DPP6: variants seen among roughly 807,000 people sequenced by gnomAD.
DPP6 encodes the protein A-type potassium channel modulatory protein DPP6.
DPP6 carries 69 observed loss-of-function variants against 122.6 expected under a neutral mutation model. The ratio of observed to expected loss-of-function variants is 0.56; its 90% CI spans 0.46 to 0.69. The LOEUF (loss-of-function observed/expected upper bound fraction) is 0.69, where lower values mean the gene tolerates loss of function less well. Ranked by LOEUF, DPP6 falls within the 30% of genes least tolerant of loss-of-function variation. The probability of loss-of-function intolerance (pLI) is 0.00; values close to 1 mark genes in which losing one functional copy is unlikely to be tolerated. For synonymous variants in DPP6, 418 were observed against 433.1 expected, an observed-to-expected ratio of 0.97 and a Z score of 0.43; for missense variants, 928 against 1,116.9, an observed-to-expected ratio of 0.83 and a Z score of 2.41.
At chr7:154,405,506 A>G (rs1278520967) in intron 1 of DPP6, among the ~76,000 whole-genome samples, 3 of 152,134 alleles carry the variant, frequency 2.0e-5, no homozygotes, top group Non-Finnish European at 1.5e-5. Flanking sequence ...TAAAAAAAGC[A>G]TTTTCTAAGC....
At chr7:154,831,609 T>TAA (rs111776985) in intron 16 of DPP6, among the ~76,000 whole-genome samples, 1 of 152,082 alleles carries the variant, frequency 6.6e-6, no homozygotes, top group African/African-American at 2.4e-5. Flanking sequence ...TATTTCTTTT[T>TAA]AAAAAAAATC....
chr7:154,567,274 A>C (rs1350297738), intron 5 of DPP6, among the ~76,000 whole-genome samples: 2 of 152,222 alleles, frequency 1.3e-5, no homozygotes, highest in African/African-American at 4.8e-5. Context: ...AGCAACTGCC[A>C]GGTTCTCCTT....
intron 16 of DPP6, among the ~76,000 whole-genome samples, chr7:154,841,984 C>T (rs369868565): frequency 1.3e-5 from 2 of 152,100 alleles, no homozygotes; most frequent in African/African-American, 4.8e-5. Flanking sequence ...ATGCTGTCCT[C>T]GGAACAAATA....
At chr7:154,323,062 T>C (rs1434996740) in intron 1 of DPP6, among the ~76,000 whole-genome samples, 2 of 151,618 alleles carry the variant, frequency 1.3e-5, no homozygotes, top group Non-Finnish European at 2.9e-5. Context: ...ATTAGCCCTG[T>C]TCAAAAAAAA....
intron 1 of DPP6, among the ~76,000 whole-genome samples, chr7:154,419,099 A>G (rs1817250477): frequency 6.6e-6 from 1 of 152,254 alleles, no homozygotes; most frequent in South Asian, 2.1e-4. Flanking sequence ...AGGAATTAAT[A>G]ATGATCCTCA....
At chr7:154,799,405 G>A (rs765476446) in intron 12 of DPP6, among the ~76,000 whole-genome samples, 11 of 152,274 alleles carry the variant, frequency 7.2e-5, no homozygotes, top group Middle Eastern at 3.4e-3. Flanking sequence ...TCACTGCTGC[G>A]CTGACCCTGC....
chr7:153,840,944 G>C, the DPP6 span, among the ~76,000 whole-genome samples: 4 of 152,184 alleles, frequency 2.6e-5, no homozygotes, highest in Admixed American at 2.6e-4. Flanking sequence ...CAAGCCTGAG[G>C]AGCAGTCAAC....
In DPP6 at chr7:154,060,540, T is replaced by A. The variant is rs546064996; in HGVS notation, c.243+7477T>A. Among the ~76,000 whole-genome samples, 15 of 130,626 alleles carry A rather than the reference T, an allele frequency of 1.1e-4. 1 individual carries two copies. In the South Asian group the frequency reaches 3.3e-3, roughly 29 times the overall value. The allele number at this position is 130,626 out of a possible 152,430, so 85.7% of individuals were successfully genotyped here. On this transcript the variant is annotated intron_variant, in intron 1 of 25. Coordinates refer to ENST00000377770, the MANE Select transcript of DPP6 (RefSeq NM_130797.4). ...GGACTGCGGGTGTTAGGTGTCCAAGTAGAAAGTTCAAATCTTCCGACGGCA... is the reference window on the plus strand; with the variant it reads ...GGACTGCGGGTGTTAGGTGTCCAAGAAGAAAGTTCAAATCTTCCGACGGCA...
At chr7:154,443,515 GA>G (rs1819566935) in intron 1 of DPP6, among the ~76,000 whole-genome samples, 1 of 138,056 alleles carries the variant, frequency 7.2e-6, no homozygotes, top group Non-Finnish European at 1.5e-5. Context: ...TACATGGATG[GA>G]TGGATGGATG....
intron 1 of DPP6, among the ~76,000 whole-genome samples, chr7:153,972,344 A>G (rs1006524618): frequency 6.6e-6 from 1 of 151,690 alleles, no homozygotes; most frequent in African/African-American, 2.4e-5. Context: ...TTTGCCTCAC[A>G]AACACTAAGT....
intron 1 of DPP6, among the ~76,000 whole-genome samples, chr7:154,035,238 G>A (rs1316848694): frequency 2.6e-5 from 4 of 152,354 alleles, no homozygotes; most frequent in South Asian, 4.1e-4. Flanking sequence ...TCATGAGGGC[G>A]TGAAGGCTCC....
chr7:154,344,612 C>T (rs757772105), intron 1 of DPP6, among the ~76,000 whole-genome samples: 4 of 152,168 alleles, frequency 2.6e-5, no homozygotes, highest in South Asian at 4.1e-4. Flanking sequence ...TCAGGTGCTA[C>T]GTGAGAGAGA....
chr7:153,980,492 A>C (rs1796529160), intron 1 of DPP6, among the ~76,000 whole-genome samples: 1 of 152,108 alleles, frequency 6.6e-6, no homozygotes, highest in African/African-American at 2.4e-5. Context: ...CTTTTAAAAA[A>C]AACCAGCTCC....
the DPP6 span, among the ~76,000 whole-genome samples, chr7:153,811,244 C>A: frequency 1.3e-5 from 2 of 152,184 alleles, no homozygotes; most frequent in African/African-American, 4.8e-5. Context: ...CTCTCCATTC[C>A]AGAATGACAT....
intron 5 of DPP6, among the ~76,000 whole-genome samples, chr7:154,570,774 G>GT (rs1176110406): frequency 6.6e-6 from 1 of 152,078 alleles, no homozygotes; most frequent in Non-Finnish European, 1.5e-5. Context: ...CCAACCCTAT[G>GT]TTTTTTTGAG....
intron 16 of DPP6, among the ~76,000 whole-genome samples, chr7:154,810,493 C>G (rs1214189621): frequency 6.6e-6 from 1 of 152,182 alleles, no homozygotes; most frequent in African/African-American, 2.4e-5. Context: ...TAGTCTGCCA[C>G]TGGCCTTCTG....
chr7:154,516,731 G>A (rs1697150408), intron 3 of DPP6, among the ~76,000 whole-genome samples: 1 of 152,096 alleles, frequency 6.6e-6, no homozygotes. Flanking sequence ...TCAATTACGT[G>A]GAATAGAAGC....
chr7:154,048,855 T>A (rs1218020457), upstream of DPP6, among the ~76,000 whole-genome samples: 1 of 129,964 alleles, frequency 7.7e-6, no homozygotes, highest in Non-Finnish European at 1.7e-5. Flanking sequence ...ATGCTTAGCT[T>A]GCAGGTAGAC....
At chr7:154,562,253 G>A (rs577026961) in intron 4 of DPP6, among the ~76,000 whole-genome samples, 4 of 152,114 alleles carry the variant, frequency 2.6e-5, no homozygotes, top group South Asian at 2.1e-4. Flanking sequence ...CATCACGGTC[G>A]AATAGCTTAT....
Sources: allele counts gnomAD v4.1 joint callset (sites outside exome capture counted in the v4.1 genomes callset), GRCh38; gene constraint gnomAD v4.1.1; transcripts MANE v1.5; gene names NCBI Gene and HGNC (gene_info 2026-07-23, HGNC 2026-07-21).